Variants in CSMD3 observed in about 807,000 individuals in gnomAD.
The protein encoded by CSMD3 is CUB and Sushi multiple domains 3.
A neutral mutation model predicts 435.2 loss-of-function variants in CSMD3; 177 were observed. That is an observed-to-expected ratio of 0.41 (90% CI 0.36 to 0.46). CSMD3 has a LOEUF of 0.46. Among genes scored for constraint, CSMD3 ranks in the 20% least tolerant of loss-of-function variants. The pLI, the probability that CSMD3 is intolerant of heterozygous loss-of-function variation, is 0.34. For synonymous variants in CSMD3, 1,656 were observed against 1,520.5 expected, an observed-to-expected ratio of 1.09 and a Z score of -2.07; for missense variants, 4,265 against 4,504.6, an observed-to-expected ratio of 0.95 and a Z score of 1.52.
chr8:113,288,965 G>A (rs2093665215), intron 2 of CSMD3, among the ~76,000 whole-genome samples: 1 of 151,650 alleles, frequency 6.6e-6, no homozygotes, highest in Non-Finnish European at 1.5e-5. Context: ...TTATTTTGAT[G>A]ATGAACCCAC....
At chr8:113,338,682 T>C (rs1292134022) in intron 1 of CSMD3, among the ~76,000 whole-genome samples, 2 of 151,956 alleles carry the variant, frequency 1.3e-5, no homozygotes, top group African/African-American at 4.8e-5. Context: ...GGCAAATCTA[T>C]GCAGACAGAA....
intron 4 of CSMD3, among the ~76,000 whole-genome samples, chr8:113,144,651 T>G (rs1170415238): frequency 1.3e-5 from 2 of 151,578 alleles, no homozygotes; most frequent in African/African-American, 4.8e-5. Flanking sequence ...TCTTACTCTG[T>G]GCCCCCTAGT....
chr8:112,554,093 G>A (rs1181691673), intron 25 of CSMD3, among the ~76,000 whole-genome samples: 1 of 151,906 alleles, frequency 6.6e-6, no homozygotes, highest in African/African-American at 2.4e-5. Flanking sequence ...CTATTAACTT[G>A]CCCTATGGAC....
intron 10 of CSMD3, among the ~76,000 whole-genome samples, chr8:112,886,750 T>A (rs1289946673): frequency 6.6e-6 from 1 of 151,518 alleles, no homozygotes; most frequent in Non-Finnish European, 1.5e-5. Flanking sequence ...ATGCTCAAGT[T>A]CCTTATAAAA....
chr8:112,237,059 T>C, intron 67 of CSMD3, 131 bp downstream of exon 67: 1 of 1,007,444 alleles, frequency 9.9e-7, no homozygotes, highest in Non-Finnish European at 1.5e-6. Flanking sequence ...TCTGAGTGAA[T>C]ATGAATGTCA....
At chr8:113,008,536 T>A (rs898902518) in intron 6 of CSMD3, among the ~76,000 whole-genome samples, 2 of 151,714 alleles carry the variant, frequency 1.3e-5, no homozygotes, top group Non-Finnish European at 2.9e-5. Flanking sequence ...ACTGAATTTT[T>A]AATTTTATTT....
At chr8:113,121,866 T>G (rs2090995843) in intron 4 of CSMD3, among the ~76,000 whole-genome samples, 1 of 152,154 alleles carries the variant, frequency 6.6e-6, no homozygotes, top group Admixed American at 6.6e-5. Flanking sequence ...CAAATACCTC[T>G]TATACCATTT....
chr8:112,800,619 A>G (rs2078938454), intron 12 of CSMD3, among the ~76,000 whole-genome samples: 1 of 152,072 alleles, frequency 6.6e-6, no homozygotes, highest in African/African-American at 2.4e-5. Flanking sequence ...CACCACAAAT[A>G]TATCTTAACA....
In CSMD3 at chr8:112,397,470, C is replaced by T. The variant is rs115972138; in HGVS notation, c.5810-6682G>A. On this transcript the variant is annotated intron_variant, in intron 35 of 70. Coordinates refer to ENST00000297405, the MANE Select transcript of CSMD3 (RefSeq NM_198123.2). ...CTCTGGATATGCACTTTTAAACTGC[C>T]TCATTCTATTCAGGCCATAGCAAAA... Among the ~76,000 whole-genome samples, 439 of 152,244 alleles carry T rather than the reference C, an allele frequency of 2.9e-3. 3 individuals carry two copies. The highest frequency in any genetic ancestry group is 0.01 in the African/African-American group (426 of 41,558).
chr8:113,284,772 T>C (rs867737227), intron 2 of CSMD3, among the ~76,000 whole-genome samples: 3 of 152,230 alleles, frequency 2.0e-5, no homozygotes, highest in African/African-American at 7.2e-5. Flanking sequence ...TTGTAAAATT[T>C]AGTTTTTTGC....
intron 38 of CSMD3, among the ~76,000 whole-genome samples, chr8:112,357,388 C>A (rs547828625): frequency 7.2e-5 from 11 of 152,228 alleles, no homozygotes; most frequent in African/African-American, 2.6e-4. Flanking sequence ...ATAAGGGAAG[C>A]AGAGTATAAA....
chr8:112,432,397 G>A (rs1813818342), intron 32 of CSMD3, among the ~76,000 whole-genome samples: 1 of 152,074 alleles, frequency 6.6e-6, no homozygotes, highest in Non-Finnish European at 1.5e-5. Flanking sequence ...TTGAATGCCA[G>A]GGCTCACGTG....
intron 32 of CSMD3, among the ~76,000 whole-genome samples, chr8:112,437,264 T>C (rs1814462148): frequency 6.6e-6 from 1 of 151,632 alleles, no homozygotes; most frequent in South Asian, 2.1e-4. Flanking sequence ...ATGTTCCACA[T>C]GTTTCTATCA....
intron 12 of CSMD3, among the ~76,000 whole-genome samples, chr8:112,829,135 C>T (rs1484685794): frequency 1.3e-5 from 2 of 152,068 alleles, no homozygotes; most frequent in African/African-American, 2.4e-5. Flanking sequence ...TATGCTGATA[C>T]TAATTTTTTT....
Position 112,829,809 on chromosome 8 carries a change from T to C in CSMD3, c.1756-20A>G, listed in dbSNP as rs771014201. The C allele has an allele frequency of 1.4e-6, 2 of 1,389,752 alleles. No individual in the cohort carries two copies. Among genetic ancestry groups the C allele is most frequent in the South Asian group, 1.2e-5 (1 of 86,438 alleles). 86.1% of individuals were successfully genotyped at this position (1,389,752 alleles called of 1,614,324 possible). A position where few individuals can be genotyped will look rare whatever the true frequency, so the allele number is the denominator to read the frequency against. On this transcript the variant is annotated intron_variant, in intron 11 of 70. Coordinates refer to ENST00000297405, the MANE Select transcript of CSMD3 (RefSeq NM_198123.2). ...GATAACCTAGCAGTAAACAGAAACA[T>C]GCACCTTAAATATACTGCGTTGTGC...
intron 22 of CSMD3, among the ~76,000 whole-genome samples, chr8:112,607,800 G>A (rs112336960): frequency 2.0e-5 from 3 of 151,960 alleles, no homozygotes; most frequent in Non-Finnish European, 4.4e-5. Flanking sequence ...GTAATAGAAA[G>A]AATGCACCTA....
chr8:112,553,548 T>C (rs1586669679), intron 25 of CSMD3, among the ~76,000 whole-genome samples: 1 of 152,056 alleles, frequency 6.6e-6, no homozygotes, highest in African/African-American at 2.4e-5. Flanking sequence ...CTTACACATT[T>C]GAATCTTTTG....
chr8:113,002,764 T>C (rs550829591), intron 6 of CSMD3, among the ~76,000 whole-genome samples: 3 of 152,110 alleles, frequency 2.0e-5, no homozygotes, highest in Admixed American at 2.0e-4. Context: ...GATACAAACT[T>C]TCCTGTCAAC....
intron 1 of CSMD3, among the ~76,000 whole-genome samples, chr8:113,339,775 A>C (rs1325225028): frequency 6.6e-6 from 1 of 151,882 alleles, no homozygotes; most frequent in African/African-American, 2.4e-5. Flanking sequence ...TTTGCTGTAC[A>C]TATTTGGACA....
Sources: gnomAD v4.1 joint callset for allele counts (sites outside exome capture counted in the v4.1 genomes callset) on GRCh38, gnomAD v4.1.1 for gene constraint, MANE v1.5 for transcripts, NCBI Gene and HGNC (gene_info 2026-07-23, HGNC 2026-07-21) for gene names.